The following GATAD2B variants were observed in gnomAD, a reference collection of about 807,000 sequenced individuals.
GATAD2B encodes GATA zinc finger domain containing 2B.
In GATAD2B, 8 loss-of-function variants were observed where a neutral mutation model predicts 64.3. That is an observed-to-expected ratio of 0.12 (90% CI 0.07 to 0.22). GATAD2B has a LOEUF of 0.22. Ranked by LOEUF, GATAD2B falls within the 10% of genes least tolerant of loss-of-function variation. GATAD2B has a pLI of 1.00. For missense variants in GATAD2B, 453 were observed against 752.0 expected (o/e 0.60, Z 4.65); for synonymous variants, 281 against 271.3 (o/e 1.04, Z -0.35).
chr1:153,892,305 C>T (rs983221090), intron 1 of GATAD2B, among the ~76,000 whole-genome samples: 4 of 151,890 alleles, frequency 2.6e-5, no homozygotes, highest in Admixed American at 2.0e-4. Context: ...AACACTACCA[C>T]TAGTTAAGGT....
rs764367916 is a variant in GATAD2B, at chr1:153,817,416, G to A, written c.856C>T (p.Arg286Cys). 4 of 1,608,322 alleles carry A rather than the reference G, an allele frequency of 2.5e-6. No individual in the cohort carries two copies. The highest frequency in any genetic ancestry group is 3.4e-6 in the Non-Finnish European group (4 of 1,177,918). The part of the protein sequence containing the change: ...QRGPPKPGLV[R>C]TTTPNMNPAI... ...GGATTCATGTTGGGTGTTGTGGTGCGTACAAGGCCAGGCTTAGGCGGGCCC... is the reference window on the plus strand; with the variant it reads ...GGATTCATGTTGGGTGTTGTGGTGCATACAAGGCCAGGCTTAGGCGGGCCC... Residue 286 changes from arginine (R) to cysteine (C), a missense_variant, in exon 6 of 11, where the codon CGC (arginine) becomes TGC (cysteine). Physicochemically the swap from Arg to Cys is radical, Grantham distance 180 (BLOSUM62 -3). This residue lies in a region of GATAD2B where 293 missense variants were observed against 417.2 expected (regional missense o/e 0.70). Transcript: ENST00000368655.
At chr1:153,862,535 G>T (rs1261929729) in intron 1 of GATAD2B, among the ~76,000 whole-genome samples, 1 of 152,082 alleles carries the variant, frequency 6.6e-6, no homozygotes, top group African/African-American at 2.4e-5. Flanking sequence ...GGGGCTTGTA[G>T]AAGAAACTAG....
At chr1:153,869,459 C>T (rs557518854) in intron 1 of GATAD2B, among the ~76,000 whole-genome samples, 51 of 152,192 alleles carry the variant, frequency 3.4e-4, no homozygotes, top group African/African-American at 1.2e-3. Flanking sequence ...TATTTTACCC[C>T]ATGGGTTATA....
intron 1 of GATAD2B, among the ~76,000 whole-genome samples, chr1:153,883,999 A>T (rs1278408889): frequency 1.3e-5 from 2 of 151,850 alleles, no homozygotes; most frequent in Non-Finnish European, 2.9e-5. Flanking sequence ...AACTAAATTT[A>T]AAAATACTTC....
chr1:153,863,639 T>C (rs1488027431), intron 1 of GATAD2B, among the ~76,000 whole-genome samples: 3 of 152,070 alleles, frequency 2.0e-5, no homozygotes, highest in Non-Finnish European at 4.4e-5. Flanking sequence ...TCTTTTTTTT[T>C]TCCAAGACAG....
chr1:153,805,988 C>G lies in GATAD2B; in HGVS notation c.*4189G>C, dbSNP rs922357306. On this transcript the variant is annotated 3_prime_UTR_variant, in exon 11 of 11. Coordinates refer to ENST00000368655, the MANE Select transcript of GATAD2B (RefSeq NM_020699.4). ...TTTCCTCAGGATGACTTATTAAAAT[C>G]CTTTCTATCATCCCCTGACAATCCA... The G allele has an allele frequency of 6.6e-6, 1 of 152,142 alleles. No individual in the cohort carries two copies. Among genetic ancestry groups the G allele is most frequent in the African/African-American group, 2.4e-5 (1 of 41,408 alleles). The allele number at this position is 152,142 out of a possible 1,614,324, so 9.4% of individuals were successfully genotyped here.
chr1:153,818,314 CTTT>C (rs35175263), intron 4 of GATAD2B, 143 bp from the exon 5 acceptor site: 7,593 of 316,820 alleles, frequency 0.024, no homozygotes, highest in South Asian at 0.037. Flanking sequence ...TCAAGGTTTT[CTTT>C]TTTTTTTTTT....
intron 1 of GATAD2B, among the ~76,000 whole-genome samples, chr1:153,896,270 T>C (rs1024490319): frequency 4.6e-5 from 7 of 152,076 alleles, no homozygotes; most frequent in African/African-American, 1.7e-4. Flanking sequence ...AATATTAAGA[T>C]AGTTGCCTAT....
chr1:153,855,683 ATT>A (rs1039421065), intron 1 of GATAD2B, among the ~76,000 whole-genome samples: 2 of 150,200 alleles, frequency 1.3e-5, no homozygotes, highest in Non-Finnish European at 3.0e-5. Flanking sequence ...TATTTTATAT[ATT>A]TTTTTTTTAC....
intron 1 of GATAD2B, among the ~76,000 whole-genome samples, chr1:153,846,930 C>T (rs547308553): frequency 4.1e-4 from 63 of 152,066 alleles, no homozygotes; most frequent in African/African-American, 1.3e-3. Flanking sequence ...TTAGTTCCAA[C>T]GAATTAGTCA....
chr1:153,856,150 C>T (rs888482323), intron 1 of GATAD2B, among the ~76,000 whole-genome samples: 1 of 152,300 alleles, frequency 6.6e-6, no homozygotes, highest in Middle Eastern at 3.4e-3. Context: ...CCTTTAGGAC[C>T]CTTATGATTA....
intron 1 of GATAD2B, among the ~76,000 whole-genome samples, chr1:153,909,414 G>A (rs905968709): frequency 1.3e-5 from 2 of 151,410 alleles, no homozygotes; most frequent in African/African-American, 4.8e-5. Context: ...GGGTTTCACT[G>A]TGGTCTCGAT....
intron 1 of GATAD2B, among the ~76,000 whole-genome samples, chr1:153,845,140 C>G (rs1017545226): frequency 3.3e-5 from 5 of 152,028 alleles, no homozygotes; most frequent in African/African-American, 1.2e-4. Context: ...GAGATGAAAA[C>G]CAGTGTCTGA....
intron 1 of GATAD2B, among the ~76,000 whole-genome samples, chr1:153,912,333 C>A (rs1004665970): frequency 6.6e-6 from 1 of 152,100 alleles, no homozygotes; most frequent in Non-Finnish European, 1.5e-5. Context: ...AGCAAGAATC[C>A]GTCTCAAAAT....
At chr1:153,867,855 G>A (rs1257795659) in intron 1 of GATAD2B, among the ~76,000 whole-genome samples, 5 of 150,842 alleles carry the variant, frequency 3.3e-5, no homozygotes, top group East Asian at 2.0e-4. Context: ...GTGAGACTCC[G>A]TCTCAAAAAA....
chr1:153,852,449 C>A (rs1675933089), intron 1 of GATAD2B: 2 of 759,196 alleles, frequency 2.6e-6, no homozygotes, highest in South Asian at 2.8e-5. Context: ...TGGTCTGGAG[C>A]TGCTAAGTCA....
intron 1 of GATAD2B, among the ~76,000 whole-genome samples, chr1:153,830,895 A>G (rs1675056577): frequency 6.6e-6 from 1 of 152,114 alleles, no homozygotes; most frequent in Non-Finnish European, 1.5e-5. Flanking sequence ...TCCACACCTC[A>G]GCCTCCTGAG....
intron 1 of GATAD2B, among the ~76,000 whole-genome samples, chr1:153,873,325 C>T (rs1202076324): frequency 6.6e-6 from 1 of 152,186 alleles, no homozygotes. Context: ...CTTTGTACTT[C>T]GCTTTAATAC....
In GATAD2B at chr1:153,866,190, G is replaced by A. The variant is rs1268315407; in HGVS notation, c.-1-37842C>T. ...CTGCACTCCAGCCTGGCAACAGAGT[G>A]ACACTAGGTCTCAAAAAAAAAAAAA... On this transcript the variant is annotated intron_variant, in intron 1 of 10. Transcript: ENST00000368655. Among the ~76,000 whole-genome samples, 7 of 118,162 alleles carry A rather than the reference G, an allele frequency of 5.9e-5. No individual in the cohort carries two copies. The South Asian group carries it at 1.6e-3, about 26-fold the overall frequency. The allele number at this position is 118,162 out of a possible 152,430, so 77.5% of individuals were successfully genotyped here. A position where few individuals can be genotyped will look rare whatever the true frequency, so the allele number is the denominator to read the frequency against.
Sources: allele counts gnomAD v4.1 joint callset (sites outside exome capture counted in the v4.1 genomes callset), GRCh38; gene constraint gnomAD v4.1.1; regional missense constraint gnomAD v4.1.1; transcripts MANE v1.5; gene names NCBI Gene and HGNC (gene_info 2026-07-23, HGNC 2026-07-21).